PHF21B: variants seen among roughly 807,000 people sequenced by gnomAD.
PHF21B encodes PHD finger protein 4.
PHF21B carries 22 observed loss-of-function variants against 62.2 expected under a neutral mutation model. The ratio of observed to expected loss-of-function variants is 0.35; its 90% CI spans 0.25 to 0.51. The LOEUF (loss-of-function observed/expected upper bound fraction) is 0.51, where lower values mean the gene tolerates loss of function less well. PHF21B is among the 20% of genes least tolerant of loss of function. The pLI is 0.97. For synonymous variants in PHF21B, 341 were observed against 314.7 expected, an observed-to-expected ratio of 1.08 and a Z score of -0.88; for missense variants, 701 against 707.9, an observed-to-expected ratio of 0.99 and a Z score of 0.11.
At chr22:44,890,717 C>T (rs550166080) in intron 8 of PHF21B, among the ~76,000 whole-genome samples, 27 of 152,364 alleles carry the variant, frequency 1.8e-4, no homozygotes, top group African/African-American at 4.3e-4. Flanking sequence ...CACTGGGGCA[C>T]GGCTGGCAGA....
At chr22:44,904,483 C>T (rs1424777695) in intron 5 of PHF21B, among the ~76,000 whole-genome samples, 1 of 152,192 alleles carries the variant, frequency 6.6e-6, no homozygotes, top group African/African-American at 2.4e-5. Flanking sequence ...TTTGCCCTTG[C>T]TCTTGAAAAA....
rs1049977208 is a variant in PHF21B at position 44,942,996 on chromosome 22, C to CG, written c.121-22507_121-22506insC. Among the ~76,000 whole-genome samples, 62 of 6,756 alleles carry CG rather than the reference C, an allele frequency of 9.2e-3. 1 individual carries two copies. In the South Asian group the frequency reaches 0.1, roughly 11 times the overall value. The allele number at this position is 6,756 out of a possible 152,430, so 4.4% of individuals were successfully genotyped here. ...CAGGCGGACCCCCAGCAGGGAGGGA[C>CG]CCCCCCCCCCCCATCCTCAGAAGGG... On this transcript the variant is annotated intron_variant, in intron 2 of 12. Transcript: ENST00000313237.
intron 3 of PHF21B, among the ~76,000 whole-genome samples, chr22:44,919,785 T>C (rs559425689): frequency 2.6e-5 from 4 of 152,350 alleles, no homozygotes; most frequent in Non-Finnish European, 4.4e-5. Flanking sequence ...CTTGACTCAA[T>C]ACTCACAGCC....
intron 2 of PHF21B, among the ~76,000 whole-genome samples, chr22:44,988,725 C>T (rs550291483): frequency 1.3e-5 from 2 of 152,232 alleles, no homozygotes; most frequent in South Asian, 2.1e-4. Context: ...CCCTGCACAT[C>T]GAGAAAAAAG....
intron 2 of PHF21B, among the ~76,000 whole-genome samples, chr22:44,986,922 T>C (rs2147494415): frequency 6.6e-6 from 1 of 151,558 alleles, no homozygotes. Flanking sequence ...GCAGGTGGGG[T>C]CCTGGAGCTG....
chr22:44,903,831 GTTGT>G (rs1462544056), intron 5 of PHF21B, among the ~76,000 whole-genome samples: 4 of 152,254 alleles, frequency 2.6e-5, no homozygotes, highest in East Asian at 3.9e-4. Context: ...CCTTTCTGGT[GTTGT>G]TTATTTAGGT....
intron 2 of PHF21B, 55 bp from the exon 3 acceptor site, chr22:44,920,545 C>T (rs1489494759): frequency 1.2e-5 from 17 of 1,419,802 alleles, no homozygotes; most frequent in East Asian, 2.6e-5. Flanking sequence ...AGACCGAATC[C>T]GTTGCCCCCA....
rs550777573 is a variant in PHF21B at position 44,948,873 on chromosome 22, A to G, written c.121-28383T>C. ...CACTTTTAGGGCCACTGTCATTTGC[A>G]GTCTCAAGCAGTTGATCCTCTTCTA... On this transcript the variant is annotated intron_variant, in intron 2 of 12. Transcript: ENST00000313237. Among the ~76,000 whole-genome samples the G allele has an allele frequency of 1.1e-3, 170 of 152,356 alleles. 1 individual carries two copies. The highest frequency in any genetic ancestry group is 3.9e-3 in the African/African-American group (162 of 41,590).
rs574600247 is a variant in PHF21B at position 44,891,311 on chromosome 22, G to A, written c.1010C>T (p.Ala337Val). ...NYLNNPLFLT[A>V]RANEDPCWKN... is the part of the protein sequence containing the mutation. ...GGCCTGAAGCCGGTGCTTACCTCTCGCTGTGAGGAACAGGGGGTTGTTGAG... is the reference window on the plus strand; with the variant it reads ...GGCCTGAAGCCGGTGCTTACCTCTCACTGTGAGGAACAGGGGGTTGTTGAG... The change falls in exon 8 of 13, where the codon GCG becomes GTG. Residue 337 changes from alanine (A) to valine (V), a missense_variant. Physicochemically the swap from Ala to Val is moderately conservative, Grantham distance 64. Transcript: ENST00000313237. The A allele has an allele frequency of 3.4e-4, 554 of 1,613,932 alleles. 1 individual carries two copies. Among genetic ancestry groups the A allele is most frequent in the Non-Finnish European group, 4.4e-4 (525 of 1,179,990 alleles).
intron 2 of PHF21B, chr22:45,001,177 C>A (rs2073211241): frequency 6.6e-6 from 1 of 152,456 alleles, no homozygotes; most frequent in African/African-American, 2.4e-5. Flanking sequence ...GGGGCAGTGT[C>A]GACAATTCCA....
At chr22:44,885,647 C>T in intron 11 of PHF21B, 118 bp from the exon 12 acceptor site, 2 of 1,134,222 alleles carry the variant, frequency 1.8e-6, no homozygotes, top group South Asian at 1.6e-5. Context: ...CCTGAAGAAG[C>T]CAGTGGCTGT....
intron 2 of PHF21B, among the ~76,000 whole-genome samples, chr22:44,923,842 T>C (rs1312477261): frequency 7.3e-5 from 11 of 150,888 alleles, no homozygotes. Context: ...ATATAGTCTC[T>C]AGAAAAAAAA....
At chr22:44,994,000 G>A (rs996129559) in intron 2 of PHF21B, among the ~76,000 whole-genome samples, 2 of 152,182 alleles carry the variant, frequency 1.3e-5, no homozygotes, top group Non-Finnish European at 2.9e-5. Context: ...CCATCCCACC[G>A]CTTAGGATGG....
At chr22:44,884,109 A>T (rs1488512945) in intron 12 of PHF21B, among the ~76,000 whole-genome samples, 1 of 131,820 alleles carries the variant, frequency 7.6e-6, no homozygotes. Flanking sequence ...CACTGTGATC[A>T]GCACCATCAC....
chr22:44,999,232 C>G (rs192910574), intron 2 of PHF21B, among the ~76,000 whole-genome samples: 1 of 152,190 alleles, frequency 6.6e-6, no homozygotes, highest in Admixed American at 6.5e-5. Context: ...AAAGCATATT[C>G]GTTCCTTCAG....
At chr22:44,890,568 G>A (rs1341136062) in intron 8 of PHF21B, among the ~76,000 whole-genome samples, 1 of 152,236 alleles carries the variant, frequency 6.6e-6, no homozygotes, top group Non-Finnish European at 1.5e-5. Flanking sequence ...GGGAGGGATG[G>A]TGACATGTTG....
chr22:45,005,783 T>C (rs1277559905), intron 2 of PHF21B, among the ~76,000 whole-genome samples: 1 of 152,064 alleles, frequency 6.6e-6, no homozygotes, highest in Non-Finnish European at 1.5e-5. Flanking sequence ...TCTCTGGAGG[T>C]GGAGATGGTA....
chr22:44,895,248 G>A (rs371923874), intron 6 of PHF21B, among the ~76,000 whole-genome samples: 2 of 152,124 alleles, frequency 1.3e-5, no homozygotes. Flanking sequence ...GCTTCCCCAT[G>A]GGGGCTTCCC....
At chr22:44,973,691 C>G (rs1187314741) in intron 2 of PHF21B, among the ~76,000 whole-genome samples, 1 of 152,098 alleles carries the variant, frequency 6.6e-6, no homozygotes, top group Non-Finnish European at 1.5e-5. Context: ...GGAAAAGGAA[C>G]CATTCTGAAA....
Sources: allele counts gnomAD v4.1 joint callset (sites outside exome capture counted in the v4.1 genomes callset), GRCh38; gene constraint gnomAD v4.1.1; transcripts MANE v1.5; gene names NCBI Gene and HGNC (gene_info 2026-07-23, HGNC 2026-07-21).